The following PFKM variants were observed in gnomAD, a reference collection of about 807,000 sequenced individuals.
PFKM encodes the protein ATP-dependent 6-phosphofructokinase, muscle type.
In PFKM, 58 loss-of-function variants were observed where a neutral mutation model predicts 95.5. That is an observed-to-expected ratio of 0.61 (90% CI 0.49 to 0.76). The LOEUF (loss-of-function observed/expected upper bound fraction) is 0.76, where lower values mean the gene tolerates loss of function less well. Among genes scored for constraint, PFKM ranks in the 30% least tolerant of loss-of-function variants. PFKM has a pLI of 0.00. For synonymous variants in PFKM, 336 were observed against 357.2 expected (o/e 0.94, Z 0.67); for missense variants, 678 against 1,005.4 (o/e 0.67, Z 4.40).
chr12:48,118,544 G>A (rs1285424491), upstream of PFKM: 1 of 1,524,590 alleles, frequency 6.6e-7, no homozygotes, highest in Admixed American at 2.0e-5. Flanking sequence ...AGCAAGAGGA[G>A]ACCCGACTGT....
At chr12:48,129,829 A>T (rs1157597269) in intron 2 of PFKM, among the ~76,000 whole-genome samples, 2 of 152,230 alleles carry the variant, frequency 1.3e-5, no homozygotes, top group African/African-American at 4.8e-5. Flanking sequence ...ACAGCCATTG[A>T]CATTAGTAGG....
upstream of PFKM, chr12:48,118,658 G>A: frequency 1.3e-6 from 1 of 785,474 alleles, no homozygotes. Context: ...TTGCTGTGAA[G>A]CCCAATTTAT....
chr12:48,105,430 T>G (rs770417103), upstream of PFKM: 2 of 518,892 alleles, frequency 3.9e-6, no homozygotes, highest in Admixed American at 1.9e-5. Flanking sequence ...GTAAGCAAAT[T>G]GTGGCAGTTA....
chr12:48,130,641 C>T (rs1488465044), intron 3 of PFKM, among the ~76,000 whole-genome samples: 2 of 152,176 alleles, frequency 1.3e-5, no homozygotes, highest in Non-Finnish European at 2.9e-5. Flanking sequence ...CAAACTGGGT[C>T]TTCATGTTGC....
chr12:48,134,791 G>T lies in PFKM; in HGVS notation c.709G>T (p.Asp237Tyr). ...TTTTATTCCTGAATGTCCACCAGAT[G>T]ACGACTGGGAGGAACACCTTTGTCG... is the stretch of plus-strand genomic sequence containing the variant. ...WVFIPECPPD[D>Y]DWEEHLCRRL... The change falls in exon 8 of 23, where the codon GAC becomes TAC. Residue 237 changes from aspartate to tyrosine, a missense_variant. By Grantham distance (160) the Asp-to-Tyr change is radical (BLOSUM62 -3). Coordinates refer to ENST00000359794, the MANE Select transcript of PFKM (RefSeq NM_000289.6). 6.2e-7 allele frequency: 1 copy of T among 1,614,166 alleles called. No homozygotes were observed.
Position 48,142,777 on chromosome 12 carries a change from T to C in PFKM, c.1654-5T>C. 1 of 1,613,840 alleles carries C rather than the reference T, an allele frequency of 6.2e-7. No homozygotes were observed. Among genetic ancestry groups the C allele is most frequent in the South Asian group, 1.1e-5 (1 of 91,074 alleles). On this transcript the variant is annotated splice_region_variant and splice_polypyrimidine_tract_variant and intron_variant, in intron 17 of 22. Coordinates refer to ENST00000359794, the MANE Select transcript of PFKM (RefSeq NM_000289.6). ...CTTTCTAACTATAACCCATTGTCCT[T>C]GCAGACCTGTGACCGCATCAAGCAG...
At chr12:48,126,853 T>G (rs1043307136) in intron 2 of PFKM, among the ~76,000 whole-genome samples, 1 of 152,228 alleles carries the variant, frequency 6.6e-6, no homozygotes, top group Non-Finnish European at 1.5e-5. Context: ...CTAACTTTAT[T>G]CATCTTTCCT....
intron 4 of PFKM, chr12:48,132,278 G>T: frequency 3.0e-6 from 1 of 333,498 alleles, no homozygotes; most frequent in South Asian, 2.4e-5. Context: ...ACCTCTCTTG[G>T]GGTATCTATA....
At chr12:48,140,027 C>G in intron 13 of PFKM, 115 bp downstream of exon 13, 1 of 727,000 alleles carries the variant, frequency 1.4e-6, no homozygotes, top group Non-Finnish European at 2.5e-6. Flanking sequence ...CTGCCCCACT[C>G]TGATCTTCAG....
At chr12:48,127,886 G>A (rs190440161) in intron 2 of PFKM, among the ~76,000 whole-genome samples, 4 of 152,224 alleles carry the variant, frequency 2.6e-5, no homozygotes, top group Admixed American at 6.5e-5. Flanking sequence ...ATACAGTTTT[G>A]TGGGGTTCCT....
At chr12:48,127,237 A>AC (rs11374838) in intron 2 of PFKM, among the ~76,000 whole-genome samples, 25,130 of 151,014 alleles carry the variant, frequency 0.17, 2,412 homozygotes, top group East Asian at 0.24. Context: ...TTATCATGGA[A>AC]CCCCCCTTCC....
chr12:48,137,622 C>A, intron 10 of PFKM, 99 bp from the exon 11 acceptor site: 1 of 1,408,318 alleles, frequency 7.1e-7, no homozygotes, highest in Non-Finnish European at 1.0e-6. Context: ...GAGACTCAGT[C>A]TTGTGATTTG....
chr12:48,111,727 G>A (rs1947204519), intron 3 of PFKM, among the ~76,000 whole-genome samples: 1 of 152,186 alleles, frequency 6.6e-6, no homozygotes, highest in African/African-American at 2.4e-5. Flanking sequence ...CAAATGGAGT[G>A]AATATCGGGT....
In PFKM at chr12:48,145,521, G is replaced by A; in HGVS notation, c.2199-43G>A. 6.2e-7 allele frequency: 1 copy of A among 1,610,660 alleles called. No individual in the cohort carries two copies. Among genetic ancestry groups the A allele is most frequent in the South Asian group, 1.1e-5 (1 of 90,964 alleles). On this transcript the variant is annotated intron_variant, in intron 22 of 22. Coordinates refer to ENST00000359794, the MANE Select transcript of PFKM (RefSeq NM_000289.6). This position sits in a 1 kb window ranked among gnomAD's most constrained non-coding sequence, Gnocchi z 4.3. ...TAAACCTTTGGTAGAAGTTGATTGGGGTGCTAAAAGATTATATCATCATCT... is the reference window on the plus strand; with the variant it reads ...TAAACCTTTGGTAGAAGTTGATTGGAGTGCTAAAAGATTATATCATCATCT...
chr12:48,141,417 C>T (rs749142898), intron 15 of PFKM, 36 bp downstream of exon 15: 8 of 1,575,704 alleles, frequency 5.1e-6, no homozygotes, highest in East Asian at 2.2e-5. Context: ...CTCCCAGTCA[C>T]CTCTTAAAGT....
intron 20 of PFKM, 119 bp downstream of exon 20, chr12:48,144,276 A>G: frequency 1.3e-6 from 1 of 745,328 alleles, no homozygotes; most frequent in Admixed American, 1.9e-5. Flanking sequence ...GGAGCCTGTC[A>G]GTGCCATCAT....
At chr12:48,142,757 T>C (rs1950688744) in intron 17 of PFKM, 25 bp from the exon 18 acceptor site, 1 of 1,610,122 alleles carries the variant, frequency 6.2e-7, no homozygotes, top group Non-Finnish European at 8.5e-7. Flanking sequence ...CATGTCTTTC[T>C]AACTATAACC....
At chr12:48,119,350 C>T (rs886345958), upstream of PFKM, 2 of 985,138 alleles carry the variant, frequency 2.0e-6, no homozygotes, top group South Asian at 4.7e-5. Flanking sequence ...ACCCCTCCCC[C>T]CTTTCCCAAG....
At position 48,132,954 on chromosome 12, in the gene PFKM, T is replaced by A; in HGVS notation, c.324T>A (p.Arg108=). The A allele has an allele frequency of 6.2e-7, 1 of 1,614,034 alleles. No homozygotes were observed. Residue 108 remains arginine (R), a synonymous_variant, in exon 5 of 23, where the codon CGT becomes CGA. Transcript: ENST00000359794. The part of the protein sequence containing the change: ...RLRAAYNLVK[R]GITNLCVIGG... ...GAGCTGCCTACAACCTGGTGAAGCGTGGGATCACCAATCTCTGTGTCATTG... is the reference window on the plus strand; with the variant it reads ...GAGCTGCCTACAACCTGGTGAAGCGAGGGATCACCAATCTCTGTGTCATTG...
Sources: gnomAD v4.1 joint callset for allele counts (sites outside exome capture counted in the v4.1 genomes callset) on GRCh38, gnomAD v4.1.1 for gene constraint, Gnocchi (gnomAD v3.1) non-coding constraint, MANE v1.5 for transcripts, NCBI Gene and HGNC (gene_info 2026-07-23, HGNC 2026-07-21) for gene names.